SCAPER: variants seen among roughly 807,000 people sequenced by gnomAD.
SCAPER encodes the protein S-phase cyclin A associated protein in the ER.
Under a neutral mutation model 182.2 loss-of-function variants are expected in SCAPER, and 98 were observed. The ratio of observed to expected loss-of-function variants is 0.54; its 90% CI spans 0.46 to 0.64. SCAPER has a LOEUF of 0.64. SCAPER is among the 30% of genes least tolerant of loss of function. SCAPER has a pLI of 0.00. For missense variants in SCAPER, 1,432 were observed against 1,690.0 expected (o/e 0.85, Z 2.68); for synonymous variants, 605 against 564.6 (o/e 1.07, Z -1.01).
chr15:76,756,243 C>CA (rs34158299), intron 14 of SCAPER, among the ~76,000 whole-genome samples: 16,327 of 65,944 alleles, frequency 0.25, 3,529 homozygotes, highest in African/African-American at 0.4. Context: ...GACTCCGTCT[C>CA]AAAAAAAAAA....
At chr15:76,675,348 T>A (rs1414708360) in intron 20 of SCAPER, among the ~76,000 whole-genome samples, 1 of 152,240 alleles carries the variant, frequency 6.6e-6, no homozygotes, top group African/African-American at 2.4e-5. Context: ...GCTGAAAGCA[T>A]ATACTGTACT....
At chr15:76,728,001 AAG>A (rs2060695039) in intron 17 of SCAPER, among the ~76,000 whole-genome samples, 2 of 152,094 alleles carry the variant, frequency 1.3e-5, no homozygotes, top group African/African-American at 2.4e-5. Flanking sequence ...TAAAACCACA[AAG>A]AGCTATCTTT....
intron 24 of SCAPER, 30 bp downstream of exon 24, chr15:76,504,829 G>T: frequency 6.5e-7 from 1 of 1,537,464 alleles, no homozygotes; most frequent in Non-Finnish European, 8.8e-7. Context: ...CAAATGAAAC[G>T]TAAAAAATAG....
At chr15:76,877,824 A>G (rs529713441) in intron 2 of SCAPER, among the ~76,000 whole-genome samples, 7 of 152,342 alleles carry the variant, frequency 4.6e-5, no homozygotes, top group Admixed American at 2.6e-4. Context: ...AAATAACTAT[A>G]AAAGACATCA....
chr15:76,357,399 C>T (rs1406732693), intron 29 of SCAPER, among the ~76,000 whole-genome samples: 1 of 151,984 alleles, frequency 6.6e-6, no homozygotes, highest in Non-Finnish European at 1.5e-5. Flanking sequence ...AAATTAAAAC[C>T]ACAATGAGAT....
intron 24 of SCAPER, among the ~76,000 whole-genome samples, chr15:76,484,441 G>GA (rs996497956): frequency 4.0e-5 from 6 of 151,850 alleles, no homozygotes; most frequent in South Asian, 2.1e-4. Flanking sequence ...ACTGAACCAG[G>GA]AAAAAAATGG....
At chr15:76,524,742 T>C (rs1443277726) in intron 23 of SCAPER, among the ~76,000 whole-genome samples, 5 of 130,980 alleles carry the variant, frequency 3.8e-5, no homozygotes, top group African/African-American at 1.4e-4. Flanking sequence ...GACTTACCAA[T>C]ACGTAAGAGT....
chr15:76,489,548 T>G (rs1430976891), intron 24 of SCAPER, among the ~76,000 whole-genome samples: 1 of 152,018 alleles, frequency 6.6e-6, no homozygotes, highest in African/African-American at 2.4e-5. Flanking sequence ...AAGTCTGGCT[T>G]TTTTCACTTA....
chr15:76,626,205 C>G (rs1039098816), intron 21 of SCAPER, among the ~76,000 whole-genome samples: 1 of 151,962 alleles, frequency 6.6e-6, no homozygotes, highest in African/African-American at 2.4e-5. Flanking sequence ...TATTTTGGTT[C>G]TTTGTTGTGG....
chr15:76,617,476 T>C (rs1597716578), intron 22 of SCAPER, among the ~76,000 whole-genome samples: 1 of 152,216 alleles, frequency 6.6e-6, no homozygotes, highest in Non-Finnish European at 1.5e-5. Flanking sequence ...TCCCTGCAGT[T>C]TGACCTGGGC....
chr15:76,883,715 A>G (rs2073698842), intron 2 of SCAPER, 97 bp downstream of exon 2: 8 of 977,426 alleles, frequency 8.2e-6, no homozygotes, highest in Non-Finnish European at 7.5e-6. Flanking sequence ...TCCATAGGGT[A>G]TCTTGAATGA....
chr15:76,813,382 T>G (rs940906325), intron 5 of SCAPER, among the ~76,000 whole-genome samples: 2 of 151,180 alleles, frequency 1.3e-5, no homozygotes, highest in African/African-American at 4.9e-5. Context: ...TCATCTAAGA[T>G]CTAGTACCAG....
chr15:76,583,451 A>T (rs1204499445), intron 22 of SCAPER, among the ~76,000 whole-genome samples: 1 of 152,200 alleles, frequency 6.6e-6, no homozygotes, highest in African/African-American at 2.4e-5. Context: ...TCTTCTGCAT[A>T]GCAGAGGAAC....
intron 29 of SCAPER, among the ~76,000 whole-genome samples, chr15:76,358,188 G>T (rs1444502915): frequency 6.6e-6 from 1 of 152,226 alleles, no homozygotes; most frequent in Non-Finnish European, 1.5e-5. Flanking sequence ...GGACAAATCA[G>T]ATGGAAACTC....
chr15:76,416,122 CA>C (rs2045626920), intron 26 of SCAPER, among the ~76,000 whole-genome samples: 1 of 151,928 alleles, frequency 6.6e-6, no homozygotes, highest in Non-Finnish European at 1.5e-5. Context: ...AAGCAACTTA[CA>C]AAATAGTAAA....
chr15:76,513,779 TC>T (rs926684091), intron 23 of SCAPER, among the ~76,000 whole-genome samples: 8 of 152,308 alleles, frequency 5.3e-5, no homozygotes, highest in African/African-American at 1.9e-4. Context: ...ACACTAAAAA[TC>T]CTTAACCATA....
chr15:76,622,256 G>T (rs1230231806), intron 21 of SCAPER, among the ~76,000 whole-genome samples: 1 of 152,020 alleles, frequency 6.6e-6, no homozygotes, highest in African/African-American at 2.4e-5. Flanking sequence ...ATCCATTGTT[G>T]ACTTAATTTG....
intron 23 of SCAPER, among the ~76,000 whole-genome samples, chr15:76,559,924 G>GTGTGTGTGTA (rs925844041): frequency 4.6e-5 from 7 of 152,138 alleles, no homozygotes; most frequent in African/African-American, 1.7e-4. Flanking sequence ...ATATGTGTGT[G>GTGTGTGTGTA]TGTGTGTGTA....
At chr15:76,771,248 T>C (rs776956722) in intron 10 of SCAPER, among the ~76,000 whole-genome samples, 1 of 152,078 alleles carries the variant, frequency 6.6e-6, no homozygotes, top group Non-Finnish European at 1.5e-5. Flanking sequence ...TCCAAAACCA[T>C]AAATCTATAA....
Sources: gnomAD v4.1 joint callset for allele counts (sites outside exome capture counted in the v4.1 genomes callset) on GRCh38, gnomAD v4.1.1 for gene constraint, MANE v1.5 for transcripts, NCBI Gene and HGNC (gene_info 2026-07-23, HGNC 2026-07-21) for gene names.